The following FKBP15 variants were observed in gnomAD, a reference collection of about 807,000 sequenced individuals.
The protein encoded by FKBP15 is FK506-binding protein 15.
Under a neutral mutation model 158.1 loss-of-function variants are expected in FKBP15, and 106 were observed. That is an observed-to-expected ratio of 0.67 (90% CI 0.57 to 0.79). FKBP15 has a LOEUF of 0.79. FKBP15 is among the 30% of genes least tolerant of loss of function. The pLI, the probability that FKBP15 is intolerant of heterozygous loss-of-function variation, is 0.00. For synonymous variants in FKBP15, 547 were observed against 548.6 expected (o/e 1.00, Z 0.04); for missense variants, 1,287 against 1,479.1 (o/e 0.87, Z 2.13).
chr9:113,186,349 CA>C lies in FKBP15; in HGVS notation c.1397del (p.Met466SerfsTer44). Reference protein sequence around the residue: ...NAQSFQPYAGMQAYAYPQASA... With the variant: ...NAQSFQPYAGXQAYAYPQASA... ...ATGCCTGGGGATAAGCGTAGGCTTG[CA>C]TACCTGCATAGGGCTGAGAAACTGA... On this transcript the variant is annotated frameshift_variant, in exon 15 of 28. Transcript: ENST00000238256. LOFTEE classifies it high-confidence loss of function. 1 of 1,561,272 alleles carries C rather than the reference CA, an allele frequency of 6.4e-7. No individual in the cohort carries two copies.
In FKBP15 at chr9:113,213,978, G is replaced by C. The variant is rs528910115; in HGVS notation, c.54-2386C>G. ...AGACAGGGTCTCAATCTGTCACCAG[G>C]CTAGAGTGCAGTGGGGCGTTCATGG... On this transcript the variant is annotated intron_variant, in intron 1 of 27. Coordinates refer to ENST00000238256, the MANE Select transcript of FKBP15 (RefSeq NM_015258.2). 2.9e-3 allele frequency among the ~76,000 whole-genome samples: 439 copies of C among 152,098 alleles called. 1 individual carries two copies. The highest frequency in any genetic ancestry group is 4.7e-3 in the Non-Finnish European group (319 of 67,982).
At chr9:113,202,072 C>T (rs1357748174) in intron 6 of FKBP15, among the ~76,000 whole-genome samples, 1 of 151,616 alleles carries the variant, frequency 6.6e-6, no homozygotes, top group Non-Finnish European at 1.5e-5. Context: ...TCTTTCTTTT[C>T]TTGTACAGAT....
chr9:113,209,250 C>T (rs1830955749), intron 2 of FKBP15, among the ~76,000 whole-genome samples: 1 of 152,104 alleles, frequency 6.6e-6, no homozygotes. Context: ...CCACTACATT[C>T]CAGCCTGGGC....
intron 4 of FKBP15, among the ~76,000 whole-genome samples, chr9:113,203,750 C>T (rs1564181441): frequency 6.6e-6 from 1 of 152,086 alleles, no homozygotes; most frequent in Non-Finnish European, 1.5e-5. Flanking sequence ...TGGTCTTGAA[C>T]TCCTGACCTC....
chr9:113,210,130 G>A (rs1375743717), intron 2 of FKBP15, among the ~76,000 whole-genome samples: 2 of 152,072 alleles, frequency 1.3e-5, no homozygotes, highest in Non-Finnish European at 2.9e-5. Flanking sequence ...CCTTGCTTTC[G>A]AACCTCTCCA....
At chr9:113,205,496 T>C (rs1438679888) in intron 4 of FKBP15, among the ~76,000 whole-genome samples, 1 of 152,184 alleles carries the variant, frequency 6.6e-6, no homozygotes, top group East Asian at 1.9e-4. Context: ...ATGGCAAGAA[T>C]TTAAAAATAA....
chr9:113,217,558 A>C (rs576170692), intron 1 of FKBP15, among the ~76,000 whole-genome samples: 1 of 152,252 alleles, frequency 6.6e-6, no homozygotes, highest in East Asian at 1.9e-4. Context: ...CTTGGGAGAT[A>C]AGTTACTTGT....
At chr9:113,219,881 C>G (rs536731833) in intron 1 of FKBP15, among the ~76,000 whole-genome samples, 111 of 152,226 alleles carry the variant, frequency 7.3e-4, no homozygotes, top group Middle Eastern at 3.4e-3. Flanking sequence ...GGAAAGAACT[C>G]AAAGTGGAAC....
At chr9:113,199,730 C>A in intron 7 of FKBP15, 84 bp downstream of exon 7, 1 of 1,344,236 alleles carries the variant, frequency 7.4e-7, no homozygotes, top group Non-Finnish European at 1.0e-6. Context: ...CAACAGCAGC[C>A]GTTCACAGTA....
At chr9:113,181,749 A>G (rs1830401050) in intron 19 of FKBP15, among the ~76,000 whole-genome samples, 1 of 152,188 alleles carries the variant, frequency 6.6e-6, no homozygotes, top group African/African-American at 2.4e-5. Context: ...ACAAGCAAAC[A>G]AAAGGAGTAA....
In FKBP15 at chr9:113,169,281, G is replaced by A; in HGVS notation, c.3428C>T (p.Ala1143Val). The part of the protein sequence containing the change: ...GPHKELSSTE[A>V]GSTVAGAALR... ...GGCTGCTCCTGCAACTGTGGAACCT[G>A]CCTCTGTGCTTGACAGCTCCTTGTG... Residue 1143 changes from alanine (A) to valine (V), a missense_variant, in exon 26 of 28, where the codon GCA becomes GTA. Physicochemically the swap from Ala to Val is moderately conservative, Grantham distance 64. Coordinates refer to ENST00000238256, the MANE Select transcript of FKBP15 (RefSeq NM_015258.2). 6.2e-7 allele frequency: 1 copy of A among 1,614,040 alleles called. No homozygotes were observed. The highest frequency in any genetic ancestry group is 8.5e-7 in the Non-Finnish European group (1 of 1,179,896).
Position 113,163,006 on chromosome 9 carries a change from G to T in FKBP15, c.*3072C>A. ...ACTTCCAACTGCCCTTTCTTCTGAT[G>T]GCTATTCCTCCACCTTATTCCCAGC... On this transcript the variant is annotated 3_prime_UTR_variant, in exon 28 of 28. Transcript: ENST00000238256. The T allele has an allele frequency of 8.2e-7, 1 of 1,226,464 alleles. No individual in the cohort carries two copies. The highest frequency in any genetic ancestry group is 1.1e-6 in the Non-Finnish European group (1 of 908,486). The allele number at this position is 1,226,464 out of a possible 1,614,324, so 76.0% of individuals were successfully genotyped here. A position where few individuals can be genotyped will look rare whatever the true frequency, so the allele number is the denominator to read the frequency against.
chr9:113,176,028 TCAAA>T (rs1014698832), intron 21 of FKBP15, among the ~76,000 whole-genome samples: 11 of 152,302 alleles, frequency 7.2e-5, no homozygotes, highest in East Asian at 1.9e-4. Flanking sequence ...GTAGGAATGC[TCAAA>T]CAAATTTGCA....
Position 113,169,234 on chromosome 9 carries a change from G to C in FKBP15, c.3475C>G (p.Gln1159Glu). The C allele has an allele frequency of 6.2e-7, 1 of 1,613,006 alleles. No homozygotes were observed. Among genetic ancestry groups the C allele is most frequent in the Non-Finnish European group, 8.5e-7 (1 of 1,179,270 alleles). ...CTCAGAGGAACATACCTGGAACGCTGGGAATGATGGCTGGGTCTGAGGGCT... is the reference window on the plus strand; with the variant it reads ...CTCAGAGGAACATACCTGGAACGCTCGGAATGATGGCTGGGTCTGAGGGCT... ...GAALRPSHHS[Q>E]RSSLSGDEED... The change falls in exon 26 of 28, where the codon CAG becomes GAG. Residue 1159 changes from glutamine (Q) to glutamate (E), a missense_variant. By Grantham distance (29) the Gln-to-Glu change is conservative. Coordinates refer to ENST00000238256, the MANE Select transcript of FKBP15 (RefSeq NM_015258.2).
rs1453521063 is a variant in FKBP15 at position 113,184,683 on chromosome 9, TG to T, written c.1608+11del. 1 of 1,588,576 alleles carries T rather than the reference TG, an allele frequency of 6.3e-7. No homozygotes were observed. The highest frequency in any genetic ancestry group is 2.3e-5 in the East Asian group (1 of 44,352). ...CCCACTTTCAACATCACCCCAACTC[TG>T]ACTCAGTCACCTTAGTCATGAGATG... On this transcript the variant is annotated intron_variant, in intron 16 of 27. Transcript: ENST00000238256. This position sits in a 1 kb window ranked among gnomAD's most constrained non-coding sequence, Gnocchi z 4.5.
intron 1 of FKBP15, 42 bp from the exon 2 acceptor site, chr9:113,211,634 C>G (rs1357100371): frequency 3.5e-6 from 5 of 1,423,086 alleles, no homozygotes; most frequent in Non-Finnish European, 3.9e-6. Flanking sequence ...CTGATATATC[C>G]CAAACCTGGA....
In FKBP15 at chr9:113,173,474, C is replaced by T. The variant is rs1360740799; in HGVS notation, c.2511G>A (p.Lys837=). The change falls in exon 23 of 28, where the codon AAG becomes AAA. Residue 837 remains lysine (K), a synonymous_variant. Transcript: ENST00000238256. ...GTACCTTTTCCTGAAGTTGTACCAG[C>T]TTCTGCTGGTAGGCATCTCTCTGTG... is the stretch of plus-strand genomic sequence containing the variant. ...VCAQRDAYQQ[K]LVQLQEKCLA... 2.5e-6 allele frequency: 4 copies of T among 1,613,428 alleles called. No homozygotes were observed. The highest frequency in any genetic ancestry group is 2.5e-6 in the Non-Finnish European group (3 of 1,179,504).
intron 27 of FKBP15, among the ~76,000 whole-genome samples, chr9:113,167,723 T>C (rs1158901402): frequency 6.6e-6 from 1 of 152,166 alleles, no homozygotes; most frequent in Non-Finnish European, 1.5e-5. Context: ...GTGTTCTCCA[T>C]ATGCATTTCA....
chr9:113,198,987 T>G lies in FKBP15; in HGVS notation c.649-64A>C. On this transcript the variant is annotated intron_variant, in intron 7 of 27. Transcript: ENST00000238256. The surrounding 1 kb of genome is among the most constrained non-coding windows in gnomAD (Gnocchi z 5.2). ...AAAAATAATAATAACCATTATGATA[T>G]TCAACTAACTACATACCAGCACACT... is the stretch of plus-strand genomic sequence containing the variant. 1 of 1,063,536 alleles carries G rather than the reference T, an allele frequency of 9.4e-7. No homozygotes were observed. The highest frequency in any genetic ancestry group is 1.4e-6 in the Non-Finnish European group (1 of 703,016). The allele number at this position is 1,063,536 out of a possible 1,614,324, so 65.9% of individuals were successfully genotyped here.
Sources: allele counts gnomAD v4.1 joint callset (sites outside exome capture counted in the v4.1 genomes callset), GRCh38; gene constraint gnomAD v4.1.1; non-coding constraint Gnocchi (gnomAD v3.1); transcripts MANE v1.5; gene names NCBI Gene and HGNC (gene_info 2026-07-23, HGNC 2026-07-21).